Variants in PTPRD observed in about 807,000 individuals in gnomAD.
The protein encoded by PTPRD is receptor-type tyrosine-protein phosphatase delta.
Under a neutral mutation model 214.5 loss-of-function variants are expected in PTPRD, and 34 were observed. The observed-to-expected ratio is 0.16, with a 90% CI of 0.12 to 0.21. The LOEUF (loss-of-function observed/expected upper bound fraction) is 0.21. PTPRD is among the 10% of genes least tolerant of loss of function. The pLI, the probability that PTPRD is intolerant of heterozygous loss-of-function variation, is 1.00. For missense variants in PTPRD, 2,545 were observed against 2,398.7 expected (o/e 1.06, Z -1.27); for synonymous variants, 1,128 against 845.7 (o/e 1.33, Z -5.79).
chr9:8,892,677 A>G (rs1301154591), intron 11 of PTPRD, among the ~76,000 whole-genome samples: 1 of 99,982 alleles, frequency 1.0e-5, no homozygotes, highest in African/African-American at 3.4e-5. Context: ...ATATGTGTAT[A>G]TATATATGAG....
At chr9:9,513,104 C>G (rs1482923283) in intron 8 of PTPRD, among the ~76,000 whole-genome samples, 1 of 151,838 alleles carries the variant, frequency 6.6e-6, no homozygotes, top group East Asian at 1.9e-4. Flanking sequence ...TTCTAACCCA[C>G]TAAAATAACA....
intron 2 of PTPRD, among the ~76,000 whole-genome samples, chr9:10,354,901 C>G (rs1211266680): frequency 6.6e-6 from 1 of 152,110 alleles, no homozygotes; most frequent in Non-Finnish European, 1.5e-5. Flanking sequence ...ATGGTACTTT[C>G]CTCTGACTTC....
intron 9 of PTPRD, among the ~76,000 whole-genome samples, chr9:9,185,872 TC>T (rs1196462841): frequency 2.8e-5 from 3 of 107,418 alleles, no homozygotes; most frequent in African/African-American, 9.7e-5. Flanking sequence ...TAATTTTTTT[TC>T]TTTTTTTTTT....
chr9:8,589,466 C>G (rs544714708), intron 14 of PTPRD, among the ~76,000 whole-genome samples: 10 of 152,178 alleles, frequency 6.6e-5, no homozygotes, highest in Admixed American at 3.9e-4. Flanking sequence ...TCAAGAAATA[C>G]AATAAGAAAA....
Position 9,388,544 on chromosome 9 carries a change from A to G in PTPRD, c.-203+8905T>C, listed in dbSNP as rs753005967. 3.7e-4 allele frequency among the ~76,000 whole-genome samples: 56 copies of G among 152,164 alleles called. 1 individual carries two copies. Among genetic ancestry groups the G allele is most frequent in the Non-Finnish European group, 7.5e-4 (51 of 68,034 alleles). ...TGTATGGTTACCTTAGTTTTAAGCA[A>G]CAGTCAGGTACTGAAGAGAAAGCAA... is the stretch of plus-strand genomic sequence containing the variant. On this transcript the variant is annotated intron_variant, in intron 9 of 45. Coordinates refer to ENST00000381196, the MANE Select transcript of PTPRD (RefSeq NM_002839.4).
intron 7 of PTPRD, among the ~76,000 whole-genome samples, chr9:9,583,646 G>C (rs768810776): frequency 1.3e-5 from 2 of 152,010 alleles, no homozygotes; most frequent in South Asian, 2.1e-4. Context: ...TTTCATTTCT[G>C]GAGATAGTAA....
At chr9:8,769,625 C>G (rs950707140) in intron 11 of PTPRD, among the ~76,000 whole-genome samples, 3 of 152,132 alleles carry the variant, frequency 2.0e-5, no homozygotes, top group African/African-American at 7.2e-5. Context: ...ACAGGTTTCT[C>G]TCTAAACATC....
At chr9:10,340,125 G>C (rs924196177) in intron 3 of PTPRD, among the ~76,000 whole-genome samples, 9 of 151,814 alleles carry the variant, frequency 5.9e-5, no homozygotes, top group African/African-American at 2.2e-4. Context: ...TACTACAAGA[G>C]TTAAAGTAGC....
chr9:8,964,192 GTTTTTTTTTTTT>G (rs71317391), intron 11 of PTPRD, among the ~76,000 whole-genome samples: 4 of 35,638 alleles, frequency 1.1e-4, no homozygotes, highest in East Asian at 2.4e-3. Context: ...TCAGGGCTGT[GTTTTTTTTTTTT>G]TTTTTTTTTT....
intron 9 of PTPRD, among the ~76,000 whole-genome samples, chr9:9,281,875 G>A (rs985263322): frequency 2.0e-5 from 3 of 150,930 alleles, no homozygotes; most frequent in African/African-American, 7.3e-5. Context: ...GTAGATGAAT[G>A]GATAAACTGT....
intron 35 of PTPRD, among the ~76,000 whole-genome samples, chr9:8,417,842 A>C (rs761200435): frequency 1.3e-5 from 2 of 152,190 alleles, no homozygotes; most frequent in African/African-American, 2.4e-5. Flanking sequence ...AAGCTGAAAC[A>C]GTAACTGTAA....
chr9:9,931,280 A>T (rs1199875284), intron 5 of PTPRD, among the ~76,000 whole-genome samples: 2 of 152,202 alleles, frequency 1.3e-5, no homozygotes, highest in Non-Finnish European at 2.9e-5. Context: ...AGCGACGCAG[A>T]AGACAGGTGA....
At chr9:10,056,699 T>C (rs2097656743) in intron 3 of PTPRD, among the ~76,000 whole-genome samples, 2 of 152,058 alleles carry the variant, frequency 1.3e-5, no homozygotes, top group South Asian at 2.1e-4. Context: ...GGGCATAATA[T>C]TGATCCAAAA....
At chr9:10,060,944 C>A in intron 3 of PTPRD, among the ~76,000 whole-genome samples, 1 of 129,874 alleles carries the variant, frequency 7.7e-6, no homozygotes, top group Non-Finnish European at 1.6e-5. Context: ...TTCTTTCTTT[C>A]TTTCTTTCTC....
chr9:9,940,208 C>G (rs142064568), intron 4 of PTPRD, among the ~76,000 whole-genome samples: 151 of 152,102 alleles, frequency 9.9e-4, no homozygotes, highest in African/African-American at 3.5e-3. Context: ...TGGAGAGGAG[C>G]AATGATCTTG....
At chr9:8,955,719 C>CG (rs1382056199) in intron 11 of PTPRD, among the ~76,000 whole-genome samples, 3 of 151,664 alleles carry the variant, frequency 2.0e-5, no homozygotes, top group Admixed American at 6.6e-5. Context: ...TTTGAAACAT[C>CG]GGAATTTGAA....
intron 3 of PTPRD, among the ~76,000 whole-genome samples, chr9:10,335,594 C>G (rs2096831009): frequency 6.6e-6 from 1 of 151,458 alleles, no homozygotes; most frequent in Admixed American, 6.6e-5. Context: ...AAATGATAAA[C>G]TGGAATTCGT....
At chr9:10,029,290 A>T (rs2097000989) in intron 4 of PTPRD, among the ~76,000 whole-genome samples, 1 of 152,296 alleles carries the variant, frequency 6.6e-6, no homozygotes, top group Admixed American at 6.5e-5. Context: ...GAGCCCCCAT[A>T]CAGAGTCCCC....
At chr9:9,184,707 G>A (rs912087527) in intron 9 of PTPRD, among the ~76,000 whole-genome samples, 2 of 152,018 alleles carry the variant, frequency 1.3e-5, no homozygotes, top group Admixed American at 6.6e-5. Flanking sequence ...ATGGTACCCC[G>A]TGGATACAGC....
Sources: allele counts gnomAD v4.1 joint callset (sites outside exome capture counted in the v4.1 genomes callset), GRCh38; gene constraint gnomAD v4.1.1; transcripts MANE v1.5; gene names NCBI Gene and HGNC (gene_info 2026-07-23, HGNC 2026-07-21).